Variants in PYHIN1 observed in about 807,000 individuals in gnomAD.
PYHIN1 encodes pyrin and HIN domain-containing protein 1.
PYHIN1 carries 32 observed loss-of-function variants against 43.7 expected under a neutral mutation model. The ratio of observed to expected loss-of-function variants is 0.73; its 90% confidence interval spans 0.55 to 0.98. PYHIN1 has a LOEUF of 0.98. Among genes scored for constraint, PYHIN1 ranks in the 50% least tolerant of loss-of-function variants. The pLI, the probability that PYHIN1 is intolerant of heterozygous loss-of-function variation, is 0.00. For synonymous variants in PYHIN1, 205 were observed against 203.1 expected, an observed-to-expected ratio of 1.01 and a Z score of -0.08; for missense variants, 588 against 589.5, an observed-to-expected ratio of 1.00 and a Z score of 0.03.
chr1:158,954,505 T>C (rs1470941086), intron 7 of PYHIN1, among the ~76,000 whole-genome samples: 2 of 150,468 alleles, frequency 1.3e-5, no homozygotes, highest in Non-Finnish European at 1.5e-5. Flanking sequence ...CAAATTAAGC[T>C]TCATAAGTGA....
chr1:158,940,733 G>C (rs1445528866), intron 4 of PYHIN1, among the ~76,000 whole-genome samples: 1 of 152,060 alleles, frequency 6.6e-6, no homozygotes, highest in Non-Finnish European at 1.5e-5. Flanking sequence ...ATTAATGTAA[G>C]ACTATTTCAG....
chr1:158,977,065 A>G (rs1041340760), downstream of PYHIN1: 2 of 153,844 alleles, frequency 1.3e-5, no homozygotes, highest in African/African-American at 2.4e-5. Context: ...GAGTGCTTCC[A>G]TAGGAGTTTC....
At chr1:158,956,616 A>G (rs1266169258) in intron 7 of PYHIN1, among the ~76,000 whole-genome samples, 1 of 151,786 alleles carries the variant, frequency 6.6e-6, no homozygotes, top group East Asian at 1.9e-4. Context: ...AAATAATAAG[A>G]GCTATCTATG....
At chr1:158,946,784 A>C (rs868856853) in intron 7 of PYHIN1, among the ~76,000 whole-genome samples, 3 of 152,318 alleles carry the variant, frequency 2.0e-5, no homozygotes, top group African/African-American at 7.2e-5. Context: ...ATTCCAGAGA[A>C]CATTCACAAA....
At position 158,973,744 on chromosome 1, in the gene PYHIN1, A is replaced by T; in HGVS notation, c.1457A>T (p.Asn486Ile). 6.2e-7 allele frequency: 1 copy of T among 1,612,852 alleles called. No individual in the cohort carries two copies. Among genetic ancestry groups the T allele is most frequent in the Non-Finnish European group, 8.5e-7 (1 of 1,179,302 alleles). ...CCTCTTTCTTCTGACACTTCCACCA[A>T]CCGCCATCCAGCAGTTCCTTAAATA... ...APPLSSDTST[N>I]RHPAVP The change falls in exon 8 of 9, where the codon AAC becomes ATC. Residue 486 changes from asparagine to isoleucine, a missense_variant. Coordinates refer to ENST00000368140, the MANE Select transcript of PYHIN1 (RefSeq NM_152501.5).
intron 7 of PYHIN1, among the ~76,000 whole-genome samples, chr1:158,968,150 A>C (rs1650732676): frequency 6.6e-6 from 1 of 152,042 alleles, no homozygotes; most frequent in South Asian, 2.1e-4. Context: ...CAACAAAGTA[A>C]TCAAACTATC....
the PYHIN1 span, among the ~76,000 whole-genome samples, chr1:158,985,375 T>G: frequency 6.6e-6 from 1 of 152,224 alleles, no homozygotes; most frequent in Non-Finnish European, 1.5e-5. Flanking sequence ...AGTGTTTGTT[T>G]GTCTGAAAAG....
chr1:158,965,336 G>A lies in PYHIN1; in HGVS notation c.1360-8311G>A, dbSNP rs1650572497. Among the ~76,000 whole-genome samples the A allele has an allele frequency of 6.6e-5, 10 of 151,572 alleles. No individual in the cohort carries two copies. In the South Asian group the frequency reaches 1.9e-3, roughly 28 times the overall value. On this transcript the variant is annotated intron_variant, in intron 7 of 8. Transcript: ENST00000368140. ...TGGCAGTATTAGATCGATCATTCAGGCAAACAAAAAAAAATAGCAAAGATA... is the reference window on the plus strand; with the variant it reads ...TGGCAGTATTAGATCGATCATTCAGACAAACAAAAAAAAATAGCAAAGATA...
At chr1:158,978,083 G>A (rs898537797), downstream of PYHIN1, among the ~76,000 whole-genome samples, 1 of 152,032 alleles carries the variant, frequency 6.6e-6, no homozygotes, top group Non-Finnish European at 1.5e-5. Flanking sequence ...CTGCCTTTAT[G>A]GTTTGGACCA....
chr1:158,939,648 C>A, intron 4 of PYHIN1: 1 of 861,696 alleles, frequency 1.2e-6, no homozygotes. Flanking sequence ...TAAACTCTTA[C>A]CTGGCCAACC....
At chr1:158,971,844 A>G (rs10908697) in intron 7 of PYHIN1, among the ~76,000 whole-genome samples, 57,021 of 151,778 alleles carry the variant, frequency 0.38, 12,164 homozygotes, top group East Asian at 0.51. Context: ...CACCTACAGA[A>G]TTTCAGTCAA....
intron 7 of PYHIN1, among the ~76,000 whole-genome samples, chr1:158,957,848 C>T (rs1392334736): frequency 2.0e-5 from 3 of 148,726 alleles, no homozygotes; most frequent in Non-Finnish European, 4.5e-5. Flanking sequence ...ATTTTCACAA[C>T]CTACTCATCT....
At chr1:158,938,129 G>A (rs1010132176) in intron 2 of PYHIN1, among the ~76,000 whole-genome samples, 5 of 152,186 alleles carry the variant, frequency 3.3e-5, no homozygotes, top group Non-Finnish European at 7.3e-5. Context: ...GAAAGGGTTT[G>A]ACTGAGCACA....
chr1:158,958,268 A>G lies in PYHIN1; in HGVS notation c.1359+13226A>G, dbSNP rs1458927202. On this transcript the variant is annotated intron_variant, in intron 7 of 8. Coordinates refer to ENST00000368140, the MANE Select transcript of PYHIN1 (RefSeq NM_152501.5). The stretch of plus-strand genomic sequence containing the variant: ...ATCCCATTACTGGGTATATACCCAA[A>G]GGACTATAAATCATGCTGCTATAAA... 1.7e-4 allele frequency among the ~76,000 whole-genome samples: 26 copies of G among 151,290 alleles called. No individual in the cohort carries two copies. The East Asian group carries it at 3.7e-3, about 22-fold the overall frequency.
intron 7 of PYHIN1, among the ~76,000 whole-genome samples, chr1:158,945,762 C>T (rs977497043): frequency 6.6e-5 from 10 of 152,184 alleles, no homozygotes; most frequent in Non-Finnish European, 1.2e-4. Context: ...AAAAAAACTA[C>T]AAGTCCCAGC....
At chr1:158,990,534 C>A in the PYHIN1 span, among the ~76,000 whole-genome samples, 1 of 151,964 alleles carries the variant, frequency 6.6e-6, no homozygotes, top group Non-Finnish European at 1.5e-5. Context: ...GACATAACAT[C>A]CACTCTCTTT....
At chr1:158,969,251 G>T (rs924733822) in intron 7 of PYHIN1, among the ~76,000 whole-genome samples, 2 of 151,938 alleles carry the variant, frequency 1.3e-5, no homozygotes, top group Non-Finnish European at 2.9e-5. Context: ...GGTTCTGCAA[G>T]GCTTCGCATG....
At chr1:158,982,406 TC>T in the PYHIN1 span, among the ~76,000 whole-genome samples, 1 of 152,136 alleles carries the variant, frequency 6.6e-6, no homozygotes, top group African/African-American at 2.4e-5. Flanking sequence ...AAGTACTGTT[TC>T]CATTACTTGT....
rs756829439 is a variant in PYHIN1, at chr1:158,937,145, G to C, written c.235G>C (p.Ala79Pro). The C allele has an allele frequency of 6.2e-7, 1 of 1,600,778 alleles. No individual in the cohort carries two copies. The highest frequency in any genetic ancestry group is 8.5e-7 in the Non-Finnish European group (1 of 1,175,418). The change falls in exon 2 of 9, where the codon GCT becomes CCT. Residue 79 changes from alanine (A) to proline (P), a missense_variant. By Grantham distance (27) the Ala-to-Pro change is conservative. Transcript: ENST00000368140. ...AGAAATACCAACACTGGGAGACCTTGCTGAAACTCTTAAAAGAGAAAAGTT... is the reference window on the plus strand; with the variant it reads ...AGAAATACCAACACTGGGAGACCTTCCTGAAACTCTTAAAAGAGAAAAGTT... ...FKEIPTLGDL[A>P]ETLKREKLKV...
Sources: allele counts gnomAD v4.1 joint callset (sites outside exome capture counted in the v4.1 genomes callset), GRCh38; gene constraint gnomAD v4.1.1; transcripts MANE v1.5; gene names NCBI Gene and HGNC (gene_info 2026-07-23, HGNC 2026-07-21).